Variants in AHCY observed in about 807,000 individuals in gnomAD.
AHCY encodes the protein S-adenosyl-L-homocysteine hydrolase.
In AHCY, 24 loss-of-function variants were observed where a neutral mutation model predicts 45.4. The observed-to-expected ratio is 0.53, with a 90% CI of 0.38 to 0.74. AHCY has a LOEUF of 0.74. Ranked by LOEUF, AHCY falls within the 30% of genes least tolerant of loss-of-function variation. AHCY has a pLI of 0.00. For missense variants in AHCY, 449 were observed against 594.1 expected (o/e 0.76, Z 2.54); for synonymous variants, 245 against 235.1 (o/e 1.04, Z -0.39).
chr20:34,249,738 G>A, the AHCY span, among the ~76,000 whole-genome samples: 2 of 152,110 alleles, frequency 1.3e-5, no homozygotes, highest in African/African-American at 4.8e-5. Context: ...TGCACTGAAA[G>A]CCATTTAAAG....
At chr20:34,292,233 C>A in intron 4 of AHCY, 125 bp downstream of exon 4, 2 of 1,302,188 alleles carry the variant, frequency 1.5e-6, no homozygotes, top group South Asian at 1.3e-5. Context: ...AGCCTGCCAT[C>A]CTCCCATCTT....
chr20:34,239,346 A>T, the AHCY span, among the ~76,000 whole-genome samples: 1 of 151,936 alleles, frequency 6.6e-6, no homozygotes, highest in Admixed American at 6.6e-5. Context: ...CCTCCCAAGT[A>T]GCTGGGACTA....
chr20:34,268,899 G>T, the AHCY span: 2 of 1,484,996 alleles, frequency 1.3e-6, no homozygotes, highest in Non-Finnish European at 1.8e-6. Context: ...CTCTGGTCCG[G>T]GATCTCCCTA....
At chr20:34,234,062 G>A in the AHCY span, among the ~76,000 whole-genome samples, 1 of 152,210 alleles carries the variant, frequency 6.6e-6, no homozygotes, top group Non-Finnish European at 1.5e-5. Context: ...GTGCCCAGTT[G>A]ATGATGGTGT....
the AHCY span, among the ~76,000 whole-genome samples, chr20:34,251,631 G>C: frequency 6.6e-6 from 1 of 152,150 alleles, no homozygotes; most frequent in Non-Finnish European, 1.5e-5. Flanking sequence ...GCAAGAATTG[G>C]AAATGAGGAA....
intron 2 of AHCY, 127 bp downstream of exon 2, chr20:34,295,268 G>C (rs746966532): frequency 2.5e-5 from 28 of 1,139,486 alleles, no homozygotes; most frequent in Non-Finnish European, 3.6e-5. Context: ...GAGTGAGAGG[G>C]AGGAACCCCT....
intron 8 of AHCY, among the ~76,000 whole-genome samples, chr20:34,288,743 T>G (rs1601651794): frequency 6.6e-6 from 1 of 152,134 alleles, no homozygotes. Context: ...ATAGGAGAGA[T>G]TGCCCAGTCA....
chr20:34,265,387 G>T, the AHCY span, among the ~76,000 whole-genome samples: 4 of 152,108 alleles, frequency 2.6e-5, no homozygotes, highest in Non-Finnish European at 5.9e-5. Context: ...AACTGGGTGT[G>T]GTGGTGTGCT....
the AHCY span, among the ~76,000 whole-genome samples, chr20:34,236,290 A>G: frequency 2.6e-5 from 4 of 152,258 alleles, no homozygotes; most frequent in Non-Finnish European, 4.4e-5. Context: ...CTATAATCCC[A>G]GCACTTTGGG....
chr20:34,303,158 C>T (rs1601689742), intron 1 of AHCY, 85 bp downstream of exon 1: 1 of 1,543,230 alleles, frequency 6.5e-7, no homozygotes, highest in East Asian at 2.5e-5. Context: ...CCAGAGAGCC[C>T]CGAGTCGGCC....
At chr20:34,238,840 G>A in the AHCY span, among the ~76,000 whole-genome samples, 1 of 152,002 alleles carries the variant, frequency 6.6e-6, no homozygotes, top group African/African-American at 2.4e-5. Flanking sequence ...TATTGTTGAT[G>A]TTTCTTTTTT....
intron 1 of AHCY, among the ~76,000 whole-genome samples, chr20:34,296,033 T>C (rs1432535103): frequency 1.3e-5 from 2 of 152,098 alleles, no homozygotes; most frequent in African/African-American, 4.8e-5. Context: ...CTATCTAACA[T>C]TTTGGATTTG....
chr20:34,285,944 A>T, intron 8 of AHCY: 2 of 351,828 alleles, frequency 5.7e-6, no homozygotes, highest in Non-Finnish European at 1.1e-5. Flanking sequence ...ACTAAAAAAA[A>T]AATACAAAAA....
At chr20:34,293,581 GT>G (rs1198534946) in intron 3 of AHCY, 3 of 268,596 alleles carry the variant, frequency 1.1e-5, no homozygotes, top group Non-Finnish European at 7.2e-6. Flanking sequence ...TCCACCTGTG[GT>G]TGGTTAGAAG....
the AHCY span, among the ~76,000 whole-genome samples, chr20:34,254,594 G>A: frequency 6.6e-6 from 1 of 152,152 alleles, no homozygotes; most frequent in Non-Finnish European, 1.5e-5. Flanking sequence ...TCAATTCATA[G>A]TCTGTATTCA....
chr20:34,268,945 G>A, the AHCY span: 2 of 1,560,464 alleles, frequency 1.3e-6, no homozygotes, highest in South Asian at 2.4e-5. Flanking sequence ...GAGGACCGGA[G>A]GGGTGGGCGT....
chr20:34,249,094 ACT>A, the AHCY span, among the ~76,000 whole-genome samples: 1 of 150,056 alleles, frequency 6.7e-6, no homozygotes, highest in Admixed American at 6.6e-5. Context: ...GCACCACTGC[ACT>A]CCAGCCTGGG....
At chr20:34,277,279 C>T (rs566342994), downstream of AHCY, among the ~76,000 whole-genome samples, 8 of 152,290 alleles carry the variant, frequency 5.3e-5, no homozygotes, top group South Asian at 1.2e-3. Context: ...CAGAGTGACC[C>T]GGATAAGTCA....
chr20:34,252,755 T>C, the AHCY span, among the ~76,000 whole-genome samples: 1 of 152,186 alleles, frequency 6.6e-6, no homozygotes, highest in Non-Finnish European at 1.5e-5. Flanking sequence ...TATCTCAGGC[T>C]GTCTCAGTGG....
Sources: allele counts gnomAD v4.1 joint callset (sites outside exome capture counted in the v4.1 genomes callset), GRCh38; gene constraint gnomAD v4.1.1; transcripts MANE v1.5; gene names NCBI Gene and HGNC (gene_info 2026-07-23, HGNC 2026-07-21).